Variants in FMNL2 observed in about 807,000 individuals in gnomAD.
FMNL2 encodes formin like 2, also known as formin-like protein 2.
Under a neutral mutation model 130.2 loss-of-function variants are expected in FMNL2, and 51 were observed. The observed-to-expected ratio is 0.39, with a 90% CI of 0.31 to 0.49. FMNL2 has a LOEUF of 0.49. Among genes scored for constraint, FMNL2 ranks in the 20% least tolerant of loss-of-function variants. The pLI is 0.85. For synonymous variants in FMNL2, 465 were observed against 467.1 expected (o/e 1.00, Z 0.06); for missense variants, 977 against 1,316.2 (o/e 0.74, Z 3.99).
At chr2:152,494,948 T>G (rs1247694413) in intron 1 of FMNL2, among the ~76,000 whole-genome samples, 1 of 152,078 alleles carries the variant, frequency 6.6e-6, no homozygotes, top group Non-Finnish European at 1.5e-5. Context: ...ACAAGTAGAG[T>G]AGAAAATAGA....
intron 1 of FMNL2, among the ~76,000 whole-genome samples, chr2:152,433,785 A>G (rs182500150): frequency 3.3e-5 from 5 of 152,272 alleles, no homozygotes; most frequent in African/African-American, 1.2e-4. Context: ...TTTTCTTCTT[A>G]TTACTGATTT....
At chr2:152,536,049 T>G (rs531178918) in intron 2 of FMNL2, among the ~76,000 whole-genome samples, 18 of 152,230 alleles carry the variant, frequency 1.2e-4, no homozygotes, top group Non-Finnish European at 2.5e-4. Flanking sequence ...ATTTTTTATT[T>G]GTATAAATGG....
chr2:152,579,852 T>C (rs1042790048), intron 8 of FMNL2, among the ~76,000 whole-genome samples: 6 of 152,260 alleles, frequency 3.9e-5, no homozygotes, highest in African/African-American at 1.4e-4. Flanking sequence ...TTTAATGTGC[T>C]TTCCATTTTG....
Position 152,632,004 on chromosome 2 carries a change from T to C in FMNL2, c.2551-4T>C, listed in dbSNP as rs1363667329. 6.2e-7 allele frequency: 1 copy of C among 1,609,618 alleles called. No homozygotes were observed. The highest frequency in any genetic ancestry group is 8.5e-7 in the Non-Finnish European group (1 of 1,178,200). On this transcript the variant is annotated splice_polypyrimidine_tract_variant and splice_region_variant and intron_variant, in intron 20 of 25. Coordinates refer to ENST00000288670, the MANE Select transcript of FMNL2 (RefSeq NM_052905.4). ...ACCTAACCCACGTTCCCTTTTGTTT[T>C]CAGCTCTTAGATACAAAGTCAACAG...
Position 152,554,304 on chromosome 2 carries a change from G to A in FMNL2, c.360-4436G>A, listed in dbSNP as rs58601996. On this transcript the variant is annotated intron_variant, in intron 4 of 25. Transcript: ENST00000288670. ...ATCCTGGAGTCCCAGCTACTCAGGAGGCTGAGGTAGGAGGATCACTTGAGC... is the reference window on the plus strand; with the variant it reads ...ATCCTGGAGTCCCAGCTACTCAGGAAGCTGAGGTAGGAGGATCACTTGAGC... Among the ~76,000 whole-genome samples the A allele has an allele frequency of 4.5e-3, 678 of 152,280 alleles. 6 individuals are homozygous for A. Among genetic ancestry groups the A allele is most frequent in the African/African-American group, 0.015 (623 of 41,550 alleles).
chr2:152,619,413 T>A, intron 14 of FMNL2, 96 bp from the exon 15 acceptor site: 1 of 1,518,940 alleles, frequency 6.6e-7, no homozygotes. Context: ...TCCTTTTAAG[T>A]GTGTTGTTTT....
intron 6 of FMNL2, among the ~76,000 whole-genome samples, chr2:152,565,202 G>A (rs865820605): frequency 3.9e-5 from 6 of 152,214 alleles, no homozygotes; most frequent in Middle Eastern, 6.8e-3. Flanking sequence ...CTATTAACTC[G>A]AGTAAGAAAT....
At chr2:152,461,714 A>G (rs566584482) in intron 1 of FMNL2, among the ~76,000 whole-genome samples, 2 of 152,316 alleles carry the variant, frequency 1.3e-5, no homozygotes, top group East Asian at 3.9e-4. Flanking sequence ...TCTACCTTTA[A>G]TACTTAAATA....
chr2:152,348,845 T>TTTTTG (rs1682292583), intron 1 of FMNL2, among the ~76,000 whole-genome samples: 1 of 98,174 alleles, frequency 1.0e-5, no homozygotes, highest in Non-Finnish European at 2.2e-5. Context: ...TTTTTTTTTT[T>TTTTTG]GAGACGGAGT....
At chr2:152,353,889 A>C (rs1012769647) in intron 1 of FMNL2, among the ~76,000 whole-genome samples, 1 of 57,610 alleles carries the variant, frequency 1.7e-5, no homozygotes. Context: ...AAATGTGAAG[A>C]ACAAGTGAAG....
chr2:152,602,569 A>G (rs1304008959), intron 9 of FMNL2, among the ~76,000 whole-genome samples: 1 of 152,190 alleles, frequency 6.6e-6, no homozygotes, highest in Non-Finnish European at 1.5e-5. Context: ...AACTGGTATC[A>G]AAGCTGGTGG....
In FMNL2 at chr2:152,431,657, C is replaced by T. The variant is rs749347531; in HGVS notation, c.118-90286C>T. 1.2e-4 allele frequency among the ~76,000 whole-genome samples: 19 copies of T among 152,030 alleles called. No homozygotes were observed. In the South Asian group the frequency reaches 2.5e-3, roughly 20 times the overall value. ...GACCAAATAGAAGAAATTAATGTGCCGCGTGTCTGTTTTAAAGATGAAATC... is the reference window on the plus strand; with the variant it reads ...GACCAAATAGAAGAAATTAATGTGCTGCGTGTCTGTTTTAAAGATGAAATC... On this transcript the variant is annotated intron_variant, in intron 1 of 25. Coordinates refer to ENST00000288670, the MANE Select transcript of FMNL2 (RefSeq NM_052905.4).
chr2:152,613,731 A>G (rs1698804921), intron 11 of FMNL2, among the ~76,000 whole-genome samples: 1 of 152,242 alleles, frequency 6.6e-6, no homozygotes, highest in South Asian at 2.1e-4. Context: ...CTAGTTTACA[A>G]AAACCCAGCC....
chr2:152,352,717 T>A (rs904965221), intron 1 of FMNL2, among the ~76,000 whole-genome samples: 20 of 152,116 alleles, frequency 1.3e-4, no homozygotes, highest in African/African-American at 4.6e-4. Context: ...TCAAATCTTT[T>A]TTTTTTTTTT....
intron 1 of FMNL2, among the ~76,000 whole-genome samples, chr2:152,441,634 C>T (rs975382424): frequency 1.3e-5 from 2 of 151,916 alleles, no homozygotes; most frequent in African/African-American, 4.8e-5. Context: ...GTCGGGAGTT[C>T]GAGAGCAGCT....
At chr2:152,580,831 CT>C in intron 8 of FMNL2, 124 bp from the exon 9 acceptor site, 1 of 801,060 alleles carries the variant, frequency 1.2e-6, no homozygotes, top group Middle Eastern at 2.3e-4. Flanking sequence ...TAAACTGTAC[CT>C]TAGTAAAATT....
chr2:152,455,244 G>T (rs1299180779), intron 1 of FMNL2, among the ~76,000 whole-genome samples: 1 of 152,174 alleles, frequency 6.6e-6, no homozygotes, highest in African/African-American at 2.4e-5. Context: ...CTTGGAAAGG[G>T]TGGGAACAGG....
intron 2 of FMNL2, among the ~76,000 whole-genome samples, chr2:152,527,990 G>A (rs574254935): frequency 6.6e-6 from 1 of 152,180 alleles, no homozygotes; most frequent in East Asian, 1.9e-4. Flanking sequence ...CTCAGTGTAA[G>A]TTTCTAGACC....
intron 25 of FMNL2, chr2:152,645,420 T>G: frequency 7.8e-7 from 1 of 1,278,298 alleles, no homozygotes; most frequent in Non-Finnish European, 1.0e-6. Context: ...GTGTTTTTGT[T>G]TTTTTCTGTT....
Sources: allele counts gnomAD v4.1 joint callset (sites outside exome capture counted in the v4.1 genomes callset), GRCh38; gene constraint gnomAD v4.1.1; transcripts MANE v1.5; gene names NCBI Gene and HGNC (gene_info 2026-07-23, HGNC 2026-07-21).